NLRP12: variants seen among roughly 807,000 people sequenced by gnomAD.
NLRP12 encodes NLR family pyrin domain containing 12, also known as NACHT, LRR and PYD domains-containing protein 12.
NLRP12 carries 108 observed loss-of-function variants against 91.2 expected under a neutral mutation model. The ratio of observed to expected loss-of-function variants is 1.18; its 90% CI spans 1.01 to 1.39. NLRP12 has a LOEUF of 1.39. Ranked by LOEUF, NLRP12 falls within the 40% of genes most tolerant of loss-of-function variation. NLRP12 has a pLI of 0.00. For synonymous variants in NLRP12, 613 were observed against 566.7 expected (o/e 1.08, Z -1.16); for missense variants, 1,530 against 1,352.7 (o/e 1.13, Z -2.06).
chr19:53,811,373 C>T (rs916641594), intron 2 of NLRP12, 85 bp from the exon 3 acceptor site: 1 of 1,491,500 alleles, frequency 6.7e-7, no homozygotes, highest in African/African-American at 1.4e-5. Flanking sequence ...TCATGTGGCT[C>T]AAAGAAGGTG....
chr19:53,818,543 T>C (rs2092197444), intron 1 of NLRP12, among the ~76,000 whole-genome samples: 2 of 151,668 alleles, frequency 1.3e-5, no homozygotes, highest in South Asian at 4.2e-4. Flanking sequence ...CGGGTGCCTG[T>C]AGTCCCAGGT....
chr19:53,795,620 C>T (rs947542990), intron 9 of NLRP12, among the ~76,000 whole-genome samples: 2 of 151,574 alleles, frequency 1.3e-5, no homozygotes, highest in East Asian at 1.9e-4. Flanking sequence ...GTGATCCACC[C>T]GCCTCGGCCT....
In NLRP12 at chr19:53,797,808, G is replaced by A. The variant is rs186089218; in HGVS notation, c.2927+435C>T. On this transcript the variant is annotated intron_variant, in intron 8 of 9. Transcript: ENST00000324134. Reference sequence around the variant, plus strand: ...GGCTGGAGTGCAATGGCATGATCTCGGCTCACTGAAACCTCTACTTCCCAG... The same window carrying A: ...GGCTGGAGTGCAATGGCATGATCTCAGCTCACTGAAACCTCTACTTCCCAG... Among the ~76,000 whole-genome samples the A allele has an allele frequency of 6.1e-3, 920 of 151,154 alleles. 11 individuals are homozygous for A. Among genetic ancestry groups the A allele is most frequent in the Non-Finnish European group, 0.01 (693 of 67,924 alleles).
Position 53,824,182 on chromosome 19 carries a change from C to G in NLRP12, c.-8G>C. 1 of 1,613,584 alleles carries G rather than the reference C, an allele frequency of 6.2e-7. No individual in the cohort carries two copies. Among genetic ancestry groups the G allele is most frequent in the Non-Finnish European group, 8.5e-7 (1 of 1,179,932 alleles). ...GCCTGCGGTTCGTAGCATGGGGGTG[C>G]CGTGAGCCCCAAAGGAGAGGACCTG... is the stretch of plus-strand genomic sequence containing the variant. On this transcript the variant is annotated 5_prime_UTR_variant, in exon 1 of 10. Transcript: ENST00000324134.
Position 53,823,954 on chromosome 19 carries a change from A to T in NLRP12, c.221T>A (p.Leu74His). ...FGPEEAWRLA[L>H]STFERINRKD... The stretch of plus-strand genomic sequence containing the variant: ...CCTGTTTATCCGCTCAAAGGTGCTG[A>T]GAGCCAACCTCCAGGCCTCCTCTGG... The change falls in exon 1 of 10, where the codon CTC becomes CAC. Residue 74 changes from leucine to histidine, a missense_variant. Coordinates refer to ENST00000324134, the MANE Select transcript of NLRP12 (RefSeq NM_144687.4). The T allele has an allele frequency of 1.2e-6, 2 of 1,614,106 alleles. No homozygotes were observed. The highest frequency in any genetic ancestry group is 1.7e-6 in the Non-Finnish European group (2 of 1,180,026).
chr19:53,808,146 C>G (rs2091993476), intron 3 of NLRP12: 1 of 289,300 alleles, frequency 3.5e-6, no homozygotes, highest in African/African-American at 2.2e-5. Flanking sequence ...TAGGCTTGAC[C>G]TCCCAGGCTT....
In NLRP12 at chr19:53,811,223, G is replaced by C. The variant is rs200736514; in HGVS notation, c.436C>G (p.Arg146Gly). ...CTGAGGTTGACACATTCCCCTAGGC[G>C]CGCATTGCGGTCTTCCATGAGCCGG... Reference protein sequence around the residue: ...KFRLMEDRNARLGECVNLSHR... With the variant: ...KFRLMEDRNAGLGECVNLSHR... Residue 146 changes from arginine to glycine, a missense_variant, in exon 3 of 10, where the codon CGC becomes GGC. Coordinates refer to ENST00000324134, the MANE Select transcript of NLRP12 (RefSeq NM_144687.4). 8.2e-5 allele frequency: 132 copies of C among 1,614,106 alleles called. No homozygotes were observed. In the South Asian group the frequency reaches 1.3e-3, roughly 16 times the overall value.
Position 53,802,892 on chromosome 19 carries a change from G to A in NLRP12, c.2585+1060C>T, listed in dbSNP as rs1467749404. ...AGGCTCCTGAATAGCTGGGACTCCA[G>A]ACACATACCACCCACCCCAGCTAAT... On this transcript the variant is annotated intron_variant, in intron 6 of 9. Transcript: ENST00000324134. Among the ~76,000 whole-genome samples, 8 of 152,204 alleles carry A rather than the reference G, an allele frequency of 5.3e-5. No individual in the cohort carries two copies. In the East Asian group the frequency reaches 1.4e-3, roughly 26 times the overall value.
intron 7 of NLRP12, among the ~76,000 whole-genome samples, chr19:53,800,774 G>A (rs1003447187): frequency 1.3e-5 from 2 of 152,022 alleles, no homozygotes; most frequent in Admixed American, 6.6e-5. Flanking sequence ...TACAGATGGG[G>A]TGTTTCTACA....
At chr19:53,823,054 C>T (rs1252370992) in intron 1 of NLRP12, among the ~76,000 whole-genome samples, 1 of 77,102 alleles carries the variant, frequency 1.3e-5, no homozygotes, top group Non-Finnish European at 2.9e-5. Context: ...AGGTGTGAGC[C>T]ACTGCACCTG....
chr19:53,814,469 C>G (rs1473657663), intron 2 of NLRP12, among the ~76,000 whole-genome samples: 1 of 152,176 alleles, frequency 6.6e-6, no homozygotes. Flanking sequence ...TCTTCTGCCT[C>G]AGCCTCTGAG....
Position 53,810,732 on chromosome 19 carries a change from G to A in NLRP12, c.927C>T (p.Pro309=). The change falls in exon 3 of 10, where the codon CCC becomes CCT. Residue 309 remains proline, a synonymous_variant. Transcript: ENST00000324134. The part of the protein sequence containing the change: ...LKPSFHDPQG[P]WCLCWEEKRP... ...GTTTCTCCTCCCAGCAGAGGCACCA[G>A]GGTCCCTGAGGATCGTGGAAAGAAG... is the stretch of plus-strand genomic sequence containing the variant. 1 of 1,614,036 alleles carries A rather than the reference G, an allele frequency of 6.2e-7. No individual in the cohort carries two copies. The highest frequency in any genetic ancestry group is 8.5e-7 in the Non-Finnish European group (1 of 1,180,026).
At position 53,798,413 on chromosome 19, in the gene NLRP12, C is replaced by A. The variant is rs757994602; in HGVS notation, c.2757G>T (p.Arg919=). The change falls in exon 8 of 10, where the codon CGG becomes CGT. Residue 919 remains arginine (R), a splice_region_variant and synonymous_variant. Transcript: ENST00000324134. ...RHPTCKLQTL[R]LGICRLGSAA... is the part of the protein sequence containing the mutation. The stretch of plus-strand genomic sequence containing the variant: ...CAGAGCCCAGCCGGCAGATGCCCAA[C>A]CTGCAAAGACAGGATGCTAGGGCGG... 6.2e-7 allele frequency: 1 copy of A among 1,613,884 alleles called. No homozygotes were observed. The highest frequency in any genetic ancestry group is 1.1e-5 in the South Asian group (1 of 91,054).
rs760287880 is a variant in NLRP12, at chr19:53,794,103, G to A, written c.3132C>T (p.His1044=). The A allele has an allele frequency of 1.5e-5, 24 of 1,613,872 alleles. No individual in the cohort carries two copies. The highest frequency in any genetic ancestry group is 2.0e-5 in the Non-Finnish European group (24 of 1,179,834). Residue 1044 remains histidine (H), a synonymous_variant, in exon 10 of 10, where the codon CAC becomes CAT. Coordinates refer to ENST00000324134, the MANE Select transcript of NLRP12 (RefSeq NM_144687.4). ...LFGMDLNKMT[H]SRLAALRVTK... ...TTACTCGAAGCGCTGCCAACCTACT[G>A]TGGGTCATTTTATTCAGGTCCATCC...
Position 53,809,829 on chromosome 19 carries a change from G to C in NLRP12, c.1830C>G (p.Ser610=). The change falls in exon 3 of 10, where the codon TCC becomes TCG. Residue 610 remains serine (S), a synonymous_variant. Transcript: ENST00000324134. ...CGTACAAGCAGCTGAAGAACTCCAAGGAGCCCTGCTGCAGGGTGGAGCCGT... is the reference window on the plus strand; with the variant it reads ...CGTACAAGCAGCTGAAGAACTCCAACGAGCCCTGCTGCAGGGTGGAGCCGT... ...QSDGSTLQQG[S]LEFFSCLYEI... 6.2e-7 allele frequency: 1 copy of C among 1,614,132 alleles called. No individual in the cohort carries two copies. The highest frequency in any genetic ancestry group is 8.5e-7 in the Non-Finnish European group (1 of 1,180,022).
At chr19:53,820,021 C>T (rs76407205) in intron 1 of NLRP12, among the ~76,000 whole-genome samples, 5,607 of 152,158 alleles carry the variant, frequency 0.037, 132 homozygotes, top group South Asian at 0.095. Flanking sequence ...ACCTCATTAA[C>T]GACGAGTCAT....
intron 1 of NLRP12, among the ~76,000 whole-genome samples, chr19:53,821,249 G>A (rs1051559781): frequency 6.6e-6 from 1 of 151,542 alleles, no homozygotes; most frequent in Non-Finnish European, 1.5e-5. Flanking sequence ...TGTTGGCCAG[G>A]CTGGTCTCGA....
At position 53,813,299 on chromosome 19, in the gene NLRP12, C is replaced by CTTTTTT. The variant is rs1160039078; in HGVS notation, c.370+1603_370+1608dup. On this transcript the variant is annotated intron_variant, in intron 2 of 9. Transcript: ENST00000324134. ...TGCTATTCTTTTTTTTTTTTCTTTT[C>CTTTTTT]TTTTTTTTTTTTTTTTTTTTTGAGA... is the stretch of plus-strand genomic sequence containing the variant. Among the ~76,000 whole-genome samples the CTTTTTT allele has an allele frequency of 9.9e-3, 849 of 86,014 alleles. 2 individuals are homozygous for CTTTTTT. The highest frequency in any genetic ancestry group is 0.017 in the African/African-American group (355 of 20,764). The allele number at this position is 86,014 out of a possible 152,430, so 56.4% of individuals were successfully genotyped here.
chr19:53,807,908 G>A (rs374521962), intron 3 of NLRP12: 17 of 472,446 alleles, frequency 3.6e-5, no homozygotes, highest in Admixed American at 2.7e-4. Flanking sequence ...GAGCCACCAC[G>A]CCCAGTTAAT....
Sources: gnomAD v4.1 joint callset for allele counts (sites outside exome capture counted in the v4.1 genomes callset) on GRCh38, gnomAD v4.1.1 for gene constraint, MANE v1.5 for transcripts, NCBI Gene and HGNC (gene_info 2026-07-23, HGNC 2026-07-21) for gene names.